VILL: variants seen among roughly 807,000 people sequenced by gnomAD.
VILL encodes the protein villin-like protein.
VILL carries 102 observed loss-of-function variants against 106.3 expected under a neutral mutation model. That is an observed-to-expected ratio of 0.96 (90% CI 0.82 to 1.13). The LOEUF (loss-of-function observed/expected upper bound fraction) is 1.13, where lower values mean the gene tolerates loss of function less well. VILL is among the 50% of genes most tolerant of loss of function. VILL has a pLI of 0.00. For synonymous variants in VILL, 431 were observed against 440.3 expected (o/e 0.98, Z 0.27); for missense variants, 1,076 against 1,116.6 (o/e 0.96, Z 0.52).
At chr3:37,996,683 A>G (rs1699707002) in intron 5 of VILL, among the ~76,000 whole-genome samples, 1 of 152,202 alleles carries the variant, frequency 6.6e-6, no homozygotes, top group Non-Finnish European at 1.5e-5. Context: ...TTATCCTGGC[A>G]TAATTATCTA....
intron 2 of VILL, 57 bp from the exon 3 acceptor site, chr3:37,993,841 A>G: frequency 6.2e-7 from 1 of 1,608,014 alleles, no homozygotes; most frequent in Non-Finnish European, 8.5e-7. Context: ...ACCCCACCCC[A>G]GCGGGTGTCA....
intron 12 of VILL, 28 bp downstream of exon 12, chr3:38,001,621 C>CA (rs777525480): frequency 9.9e-6 from 16 of 1,613,454 alleles, no homozygotes; most frequent in Non-Finnish European, 1.4e-5. Context: ...AGGCAGCACT[C>CA]ACCTTAAAGC....
At position 38,003,058 on chromosome 3, in the gene VILL, C is replaced by A. The variant is rs1256035231; in HGVS notation, c.1660-110C>A. On this transcript the variant is annotated intron_variant, in intron 14 of 19. Coordinates refer to ENST00000383759, the MANE Select transcript of VILL (RefSeq NM_015873.4). ...CTGGTGTCCTGCTGTCAGCTTAGGC[C>A]TCCTGTGACTTGGGCCCAGCCCCAC... 2.9e-6 allele frequency: 4 copies of A among 1,388,786 alleles called. No individual in the cohort carries two copies. In the African/African-American group the frequency reaches 5.8e-5, roughly 20 times the overall value. The allele number at this position is 1,388,786 out of a possible 1,614,324, so 86.0% of individuals were successfully genotyped here.
Position 37,998,017 on chromosome 3 carries a change from C to T in VILL, c.765-73C>T. 1 of 1,458,182 alleles carries T rather than the reference C, an allele frequency of 6.9e-7. No homozygotes were observed. Among genetic ancestry groups the T allele is most frequent in the Non-Finnish European group, 9.3e-7 (1 of 1,070,546 alleles). The allele number at this position is 1,458,182 out of a possible 1,614,324, so 90.3% of individuals were successfully genotyped here. ...TGTCTCTGAGGGACTGGGGTGGGGT[C>T]CTAAATGGGGCTGGAGTGGAGACAG... On this transcript the variant is annotated intron_variant, in intron 7 of 19. Coordinates refer to ENST00000383759, the MANE Select transcript of VILL (RefSeq NM_015873.4). This position sits in a 1 kb window ranked among gnomAD's most constrained non-coding sequence, Gnocchi z 4.1.
intron 11 of VILL, 139 bp downstream of exon 11, chr3:37,999,578 A>C (rs1699776887): frequency 1.7e-6 from 1 of 587,318 alleles, no homozygotes; most frequent in Non-Finnish European, 2.8e-6. Context: ...ACACGTGTAC[A>C]TTTACATACT....
At chr3:37,994,491 G>A (rs1202514181) in intron 4 of VILL, 25 bp downstream of exon 4, 1 of 1,601,018 alleles carries the variant, frequency 6.2e-7, no homozygotes. Flanking sequence ...GACCGGGGCA[G>A]GAGGGAGCCG....
chr3:38,007,138 G>A lies in VILL; in HGVS notation c.*83G>A. ...GGAGGCCCTGCTTCCACTCCCCTCA[G>A]AGGCTTTTGGTCATCCTCTGCGTGT... On this transcript the variant is annotated 3_prime_UTR_variant, in exon 20 of 20. Transcript: ENST00000383759. The A allele has an allele frequency of 8.5e-7, 1 of 1,172,148 alleles. No homozygotes were observed. The highest frequency in any genetic ancestry group is 1.3e-6 in the Non-Finnish European group (1 of 798,816). 72.6% of individuals were successfully genotyped at this position (1,172,148 alleles called of 1,614,324 possible). A position where few individuals can be genotyped will look rare whatever the true frequency, so the allele number is the denominator to read the frequency against.
chr3:37,993,644 T>C lies in VILL; in HGVS notation c.-29T>C. 6.2e-7 allele frequency: 1 copy of C among 1,611,612 alleles called. No homozygotes were observed. On this transcript the variant is annotated 5_prime_UTR_variant, in exon 2 of 20. Coordinates refer to ENST00000383759, the MANE Select transcript of VILL (RefSeq NM_015873.4). ...TGAGAACTCTGGCTGTTGTTCCTTG[T>C]GTCGTCCCATATTCCTGCCTGGCCT...
At chr3:37,988,326 T>C (rs1317497252), upstream of VILL, 1 of 152,126 alleles carries the variant, frequency 6.6e-6, no homozygotes, top group East Asian at 1.9e-4. Flanking sequence ...ACTGGAAGGT[T>C]TGGGGAGGGG....
In VILL at chr3:37,993,688, G is replaced by A. The variant is rs1250430143; in HGVS notation, c.16G>A (p.Gly6Ser). Reference protein sequence around the residue: MDISKGLPGMQGGLHI... With the variant: MDISKSLPGMQGGLHI... Reference sequence around the variant, plus strand: ...CTGGCCTGCGATGGACATCAGCAAGGGCCTCCCAGGCATGCAGGGAGGCCT... The same window carrying A: ...CTGGCCTGCGATGGACATCAGCAAGAGCCTCCCAGGCATGCAGGGAGGCCT... Residue 6 changes from glycine to serine, a missense_variant, in exon 2 of 20, where the codon GGC (glycine) becomes AGC (serine). By Grantham distance (56) the Gly-to-Ser change is moderately conservative. Coordinates refer to ENST00000383759, the MANE Select transcript of VILL (RefSeq NM_015873.4). 1.9e-6 allele frequency: 3 copies of A among 1,613,956 alleles called. No individual in the cohort carries two copies. The highest frequency in any genetic ancestry group is 2.5e-6 in the Non-Finnish European group (3 of 1,179,932).
chr3:37,989,260 T>G (rs571681779), upstream of VILL, among the ~76,000 whole-genome samples: 4 of 151,196 alleles, frequency 2.6e-5, no homozygotes, highest in Non-Finnish European at 5.9e-5. Flanking sequence ...TGAGGCGATG[T>G]TAAATGTGAG....
intron 13 of VILL, 45 bp downstream of exon 13, chr3:38,001,905 C>G (rs759016162): frequency 6.2e-7 from 1 of 1,613,030 alleles, no homozygotes; most frequent in Non-Finnish European, 8.5e-7. Flanking sequence ...CCCAGTTCTG[C>G]ATGGGCCATG....
At chr3:37,993,191 T>A (rs1267873142) in intron 1 of VILL, among the ~76,000 whole-genome samples, 1 of 152,230 alleles carries the variant, frequency 6.6e-6, no homozygotes, top group Non-Finnish European at 1.5e-5. Context: ...TCTCATTCTC[T>A]CCCTCTCTGC....
rs1699939270 is a variant in VILL, at chr3:38,006,825, G to A, written c.2458-117G>A. 3.3e-6 allele frequency: 5 copies of A among 1,522,968 alleles called. No individual in the cohort carries two copies. In the East Asian group the frequency reaches 9.1e-5, roughly 28 times the overall value. The allele number at this position is 1,522,968 out of a possible 1,614,324, so 94.3% of individuals were successfully genotyped here. On this transcript the variant is annotated intron_variant, in intron 19 of 19. Coordinates refer to ENST00000383759, the MANE Select transcript of VILL (RefSeq NM_015873.4). ...GGGAGATGTGTCTTCTAGCTGGGGT[G>A]GTGGGCAAACAGATGCGGGAGTCCC... is the stretch of plus-strand genomic sequence containing the variant.
chr3:37,993,605 G>GTAGA lies in VILL; in HGVS notation c.-67_-66insAGAT. The GTAGA allele has an allele frequency of 6.7e-7, 1 of 1,495,888 alleles. No homozygotes were observed. The allele number at this position is 1,495,888 out of a possible 1,614,324, so 92.7% of individuals were successfully genotyped here. Reference sequence around the variant, plus strand: ...AATGAAGTTGTACAGGTAGCCAGGTGTCGGTCTCCAGCCTGAGAACTCTGG... The same window carrying GTAGA: ...AATGAAGTTGTACAGGTAGCCAGGTGTAGATCGGTCTCCAGCCTGAGAACTCTGG... On this transcript the variant is annotated 5_prime_UTR_variant, in exon 2 of 20. Coordinates refer to ENST00000383759, the MANE Select transcript of VILL (RefSeq NM_015873.4).
At chr3:38,004,174 A>C (rs900733327) in intron 15 of VILL, 81 bp from the exon 16 acceptor site, 2 of 1,526,744 alleles carry the variant, frequency 1.3e-6, no homozygotes, top group Admixed American at 2.0e-5. Context: ...GTGGCTTCCC[A>C]GGCCCTGGGG....
Position 38,006,565 on chromosome 3 carries a change from C to CAAG in VILL, c.2323_2325dup (p.Lys775dup). ...CAGAGAATGATCTGGTGCGAAGCCC[C>CAAG]AAGTCGGCTGGCAGCAGAACCAGCA... On this transcript the variant is annotated inframe_insertion, in exon 19 of 20. Coordinates refer to ENST00000383759, the MANE Select transcript of VILL (RefSeq NM_015873.4). 6.2e-7 allele frequency: 1 copy of CAAG among 1,614,176 alleles called. No individual in the cohort carries two copies. The highest frequency in any genetic ancestry group is 2.2e-5 in the East Asian group (1 of 44,886).
At position 38,002,944 on chromosome 3, in the gene VILL, C is replaced by T. The variant is rs141119963; in HGVS notation, c.1660-224C>T. 63 of 575,458 alleles carry T rather than the reference C, an allele frequency of 1.1e-4. No individual in the cohort carries two copies. In the East Asian group the frequency reaches 1.6e-3, roughly 15 times the overall value. 35.6% of individuals were successfully genotyped at this position (575,458 alleles called of 1,614,324 possible). A position where few individuals can be genotyped will look rare whatever the true frequency, so the allele number is the denominator to read the frequency against. On this transcript the variant is annotated intron_variant, in intron 14 of 19. Coordinates refer to ENST00000383759, the MANE Select transcript of VILL (RefSeq NM_015873.4). ...CTCTAAGCCTGGGGGCCTCCTATCC[C>T]ATGCTCTGGACCCTGCGAGGGTCCC...
rs1239621355 is a variant in VILL at position 37,990,999 on chromosome 3, G to C, written c.-87+170G>C. 1 of 152,368 alleles carries C rather than the reference G, an allele frequency of 6.6e-6. No individual in the cohort carries two copies. The highest frequency in any genetic ancestry group is 2.4e-5 in the African/African-American group (1 of 41,456). 9.4% of individuals were successfully genotyped at this position (152,368 alleles called of 1,614,324 possible). A position where few individuals can be genotyped will look rare whatever the true frequency, so the allele number is the denominator to read the frequency against. The stretch of plus-strand genomic sequence containing the variant: ...GCCCAGCAGGTGAAAACACTGATGG[G>C]GCAGGGCAGCTGTGGCCGGCAGCCC... On this transcript the variant is annotated intron_variant, in intron 1 of 19. Coordinates refer to ENST00000383759, the MANE Select transcript of VILL (RefSeq NM_015873.4). The surrounding 1 kb of genome is among the most constrained non-coding windows in gnomAD (Gnocchi z 5.1).
Sources: allele counts gnomAD v4.1 joint callset (sites outside exome capture counted in the v4.1 genomes callset), GRCh38; gene constraint gnomAD v4.1.1; non-coding constraint Gnocchi (gnomAD v3.1); transcripts MANE v1.5; gene names NCBI Gene and HGNC (gene_info 2026-07-23, HGNC 2026-07-21).